AGBL4: variants seen among roughly 807,000 people sequenced by gnomAD.
The protein encoded by AGBL4 is AGBL carboxypeptidase 4, also known as cytosolic carboxypeptidase 6.
AGBL4 carries 58 observed loss-of-function variants against 66.4 expected under a neutral mutation model. That is an observed-to-expected ratio of 0.87 (90% confidence interval 0.71 to 1.09). AGBL4 has a LOEUF of 1.09. Ranked by LOEUF, AGBL4 falls within the 50% of genes least tolerant of loss-of-function variation. The pLI is 0.00. For missense variants in AGBL4, 579 were observed against 631.0 expected (o/e 0.92, Z 0.88); for synonymous variants, 234 against 222.9 (o/e 1.05, Z -0.44).
chr1:49,205,672 C>A (rs1209874786), intron 4 of AGBL4, among the ~76,000 whole-genome samples: 2 of 151,978 alleles, frequency 1.3e-5, no homozygotes, highest in African/African-American at 2.4e-5. Flanking sequence ...AGTTCCATGT[C>A]TGAAAAGAAA....
At chr1:49,914,789 G>C (rs1213510114) in intron 1 of AGBL4, among the ~76,000 whole-genome samples, 1 of 152,120 alleles carries the variant, frequency 6.6e-6, no homozygotes, top group Non-Finnish European at 1.5e-5. Context: ...TTGGCTCACA[G>C]TTCTGAAGCC....
At chr1:49,062,833 T>C (rs1483523480) in intron 4 of AGBL4, among the ~76,000 whole-genome samples, 3 of 152,202 alleles carry the variant, frequency 2.0e-5, no homozygotes, top group Non-Finnish European at 4.4e-5. Context: ...TGCCTCTAAA[T>C]CAATTTCTCA....
chr1:49,351,455 GTATA>G (rs148857726), intron 3 of AGBL4, among the ~76,000 whole-genome samples: 6 of 147,666 alleles, frequency 4.1e-5, no homozygotes, highest in African/African-American at 1.2e-4. Context: ...GTACACATAT[GTATA>G]TATATATATA....
intron 6 of AGBL4, among the ~76,000 whole-genome samples, chr1:48,734,135 A>C (rs1438308721): frequency 3.3e-5 from 5 of 152,194 alleles, no homozygotes; most frequent in Non-Finnish European, 7.3e-5. Flanking sequence ...GACAGCAGCA[A>C]GACGAAAGGT....
chr1:48,623,350 A>G (rs1454456672), intron 9 of AGBL4, among the ~76,000 whole-genome samples: 1 of 152,242 alleles, frequency 6.6e-6, no homozygotes, highest in Non-Finnish European at 1.5e-5. Context: ...CAAGCTGATA[A>G]GGCTTCCCAC....
chr1:48,636,088 T>A (rs1645663574), intron 8 of AGBL4, among the ~76,000 whole-genome samples: 1 of 152,252 alleles, frequency 6.6e-6, no homozygotes, highest in Non-Finnish European at 1.5e-5. Flanking sequence ...TGATGAATAC[T>A]ATAATCCCTA....
chr1:49,455,879 T>C (rs561577778), intron 3 of AGBL4, among the ~76,000 whole-genome samples: 6 of 151,844 alleles, frequency 4.0e-5, no homozygotes, highest in African/African-American at 1.4e-4. Context: ...GGCTATACTC[T>C]CTGCATACAT....
Position 49,820,439 on chromosome 1 carries a change from T to C in AGBL4, c.157+30957A>G, listed in dbSNP as rs543076754. 1.4e-4 allele frequency among the ~76,000 whole-genome samples: 21 copies of C among 152,308 alleles called. No individual in the cohort carries two copies. The South Asian group carries it at 4.4e-3, about 32-fold the overall frequency. Reference sequence around the variant, plus strand: ...TATGTTCCTGATTATTCCTAAAGGATTGAGTTTTCCAAATCCAAAAATGTT... The same window carrying C: ...TATGTTCCTGATTATTCCTAAAGGACTGAGTTTTCCAAATCCAAAAATGTT... On this transcript the variant is annotated intron_variant, in intron 2 of 13. Coordinates refer to ENST00000371839, the MANE Select transcript of AGBL4 (RefSeq NM_032785.4).
chr1:49,336,977 C>T (rs541459390), intron 3 of AGBL4, among the ~76,000 whole-genome samples: 3 of 152,274 alleles, frequency 2.0e-5, no homozygotes, highest in Non-Finnish European at 4.4e-5. Flanking sequence ...GGATATGACT[C>T]TCAATCTTGA....
intron 3 of AGBL4, among the ~76,000 whole-genome samples, chr1:49,482,447 G>C (rs1646975582): frequency 6.6e-6 from 1 of 151,738 alleles, no homozygotes; most frequent in Non-Finnish European, 1.5e-5. Flanking sequence ...TAATATTCCT[G>C]TTTATATTTC....
chr1:48,652,416 A>G (rs1645945034), intron 8 of AGBL4, among the ~76,000 whole-genome samples: 1 of 152,148 alleles, frequency 6.6e-6, no homozygotes, highest in Non-Finnish European at 1.5e-5. Context: ...GCAGGAACCA[A>G]TAGGACATGT....
intron 5 of AGBL4, among the ~76,000 whole-genome samples, chr1:48,946,720 A>G (rs574265326): frequency 1.3e-5 from 2 of 152,340 alleles, no homozygotes; most frequent in South Asian, 4.1e-4. Context: ...GAGGACTCAT[A>G]GTTGAGTGGA....
At chr1:49,948,526 A>AAT (rs1222279027) in intron 1 of AGBL4, among the ~76,000 whole-genome samples, 14 of 92,612 alleles carry the variant, frequency 1.5e-4, no homozygotes, top group African/African-American at 4.8e-4. Context: ...AATATAAATA[A>AAT]ATATATATAA....
At chr1:48,874,270 C>G (rs1056304669) in intron 5 of AGBL4, among the ~76,000 whole-genome samples, 4 of 152,104 alleles carry the variant, frequency 2.6e-5, no homozygotes, top group Admixed American at 6.6e-5. Flanking sequence ...TTCCCTCCCC[C>G]AGCCATAGTC....
intron 3 of AGBL4, among the ~76,000 whole-genome samples, chr1:49,683,644 T>G (rs1424908856): frequency 6.6e-6 from 1 of 152,144 alleles, no homozygotes; most frequent in African/African-American, 2.4e-5. Flanking sequence ...AAGGAGAAGC[T>G]TCCCAAAAGG....
At chr1:49,707,197 A>G (rs867529697) in intron 2 of AGBL4, among the ~76,000 whole-genome samples, 21 of 151,994 alleles carry the variant, frequency 1.4e-4, no homozygotes, top group African/African-American at 5.1e-4. Flanking sequence ...GTAGGTCTCT[A>G]AGAACTTGCT....
At chr1:49,081,538 G>C (rs1644808430) in intron 4 of AGBL4, among the ~76,000 whole-genome samples, 1 of 152,156 alleles carries the variant, frequency 6.6e-6, no homozygotes. Context: ...CTCAAATAGG[G>C]CTTATAAGAG....
chr1:48,956,614 A>G (rs1020551929), intron 5 of AGBL4, among the ~76,000 whole-genome samples: 2 of 152,220 alleles, frequency 1.3e-5, no homozygotes, highest in African/African-American at 4.8e-5. Context: ...GTTTGTAATC[A>G]TTCCTAGGAA....
chr1:49,073,915 T>C (rs1571382119), intron 4 of AGBL4, among the ~76,000 whole-genome samples: 1 of 152,324 alleles, frequency 6.6e-6, no homozygotes, highest in Non-Finnish European at 1.5e-5. Flanking sequence ...ACTCTCTGAC[T>C]GGGGCTGCTG....
Sources: allele counts gnomAD v4.1 joint callset (sites outside exome capture counted in the v4.1 genomes callset), GRCh38; gene constraint gnomAD v4.1.1; transcripts MANE v1.5; gene names NCBI Gene and HGNC (gene_info 2026-07-23, HGNC 2026-07-21).